CRBN: variants seen among roughly 807,000 people sequenced by gnomAD.
CRBN encodes the protein cereblon.
In CRBN, 53 loss-of-function variants were observed where a neutral mutation model predicts 62.2. The ratio of observed to expected loss-of-function variants is 0.85; its 90% confidence interval spans 0.68 to 1.07. The LOEUF is 1.07. Ranked by LOEUF, CRBN falls within the 50% of genes least tolerant of loss-of-function variation. The pLI is 0.00. For synonymous variants in CRBN, 208 were observed against 176.1 expected, an observed-to-expected ratio of 1.18 and a Z score of -1.43; for missense variants, 616 against 531.1, an observed-to-expected ratio of 1.16 and a Z score of -1.57.
rs746538323 is a variant in CRBN, at chr3:3,179,682, G to T, written c.6C>A (p.Ala2=). The change falls in exon 1 of 11, where the codon GCC becomes GCA. Residue 2 remains alanine (A), a synonymous_variant. Coordinates refer to ENST00000231948, the MANE Select transcript of CRBN (RefSeq NM_016302.4). ...CAGCGTCCTGCTGATCTCCTTCGCC[G>T]GCCATGTCTGTTTACCCGCAAAGGA... The part of the protein sequence containing the change: M[A]GEGDQQDAAH... The T allele has an allele frequency of 6.2e-7, 1 of 1,613,120 alleles. No homozygotes were observed. Among genetic ancestry groups the T allele is most frequent in the African/African-American group, 1.3e-5 (1 of 74,908 alleles).
At chr3:3,157,141 T>C (rs748141929) in intron 5 of CRBN, among the ~76,000 whole-genome samples, 1 of 151,966 alleles carries the variant, frequency 6.6e-6, no homozygotes, top group African/African-American at 2.4e-5. Flanking sequence ...AAGCAAATGG[T>C]CTATAGGACA....
At chr3:3,170,686 A>T (rs1437016362) in intron 4 of CRBN, among the ~76,000 whole-genome samples, 1 of 152,218 alleles carries the variant, frequency 6.6e-6, no homozygotes, top group Non-Finnish European at 1.5e-5. Flanking sequence ...ATCTCATTCC[A>T]CAGAGGCCTT....
intron 1 of CRBN, among the ~76,000 whole-genome samples, chr3:3,176,434 C>T (rs989465206): frequency 3.3e-5 from 5 of 152,130 alleles, no homozygotes; most frequent in Middle Eastern, 3.2e-3. Context: ...CTGGCAGTCG[C>T]TACATTATCT....
intron 4 of CRBN, among the ~76,000 whole-genome samples, chr3:3,170,469 G>A (rs750412122): frequency 1.2e-4 from 18 of 152,198 alleles, no homozygotes; most frequent in Non-Finnish European, 1.9e-4. Context: ...ATAATGGAAG[G>A]AGTACCAGTT....
chr3:3,175,005 A>G (rs1707772543), intron 2 of CRBN, among the ~76,000 whole-genome samples, 158 bp downstream of exon 2: 1 of 143,562 alleles, frequency 7.0e-6, no homozygotes, highest in African/African-American at 2.5e-5. Flanking sequence ...AGCTTCTTAA[A>G]AATTACAGTT....
chr3:3,152,692 T>C (rs1476600963), intron 9 of CRBN, 105 bp from the exon 10 acceptor site: 2 of 1,354,500 alleles, frequency 1.5e-6, no homozygotes, highest in African/African-American at 1.5e-5. Flanking sequence ...GTATGAGCTA[T>C]ACAGTTTTTA....
intron 1 of CRBN, among the ~76,000 whole-genome samples, chr3:3,175,812 T>G (rs1029402158): frequency 1.3e-5 from 2 of 152,156 alleles, no homozygotes; most frequent in African/African-American, 4.8e-5. Context: ...TGGGTTTTGT[T>G]TGATGTAATT....
rs1296290970 is a variant in CRBN at position 3,154,192 on chromosome 3, T to G, written c.836-117A>C. 9.8e-6 allele frequency: 7 copies of G among 710,824 alleles called. No individual in the cohort carries two copies. The South Asian group carries it at 1.0e-4, about 11-fold the overall frequency. The allele number at this position is 710,824 out of a possible 1,614,324, so 44.0% of individuals were successfully genotyped here. A position where few individuals can be genotyped will look rare whatever the true frequency, so the allele number is the denominator to read the frequency against. On this transcript the variant is annotated intron_variant, in intron 7 of 10. Transcript: ENST00000231948. ...CTTCTCTTTAAGGTTACACATTTTA[T>G]ACAAGTATAAACAATACAAAAATAT... is the stretch of plus-strand genomic sequence containing the variant.
At chr3:3,156,043 A>G in intron 6 of CRBN, 176 bp downstream of exon 6, 2 of 607,436 alleles carry the variant, frequency 3.3e-6, no homozygotes, top group Non-Finnish European at 5.9e-6. Flanking sequence ...GCTTCAAGCA[A>G]TCCCCCTGCC....
chr3:3,175,670 G>A (rs148976533), intron 1 of CRBN, among the ~76,000 whole-genome samples: 1,744 of 151,976 alleles, frequency 0.011, 32 homozygotes, highest in Middle Eastern at 0.031. Flanking sequence ...GTCTTTTTGC[G>A]TTCCAGGATC....
intron 9 of CRBN, 38 bp from the exon 10 acceptor site, chr3:3,152,625 G>A (rs961576491): frequency 9.3e-6 from 15 of 1,612,678 alleles, no homozygotes; most frequent in Middle Eastern, 1.6e-4. Context: ...ACGTCAAAAC[G>A]AGAAGTCTAA....
intron 4 of CRBN, chr3:3,172,056 TTG>T (rs1441282374): frequency 4.6e-5 from 7 of 152,264 alleles, no homozygotes; most frequent in African/African-American, 1.4e-4. Flanking sequence ...CTGGACTTTT[TTG>T]TGTCTGTTTT....
intron 5 of CRBN, among the ~76,000 whole-genome samples, chr3:3,159,353 T>A (rs1707041399): frequency 6.6e-6 from 1 of 152,234 alleles, no homozygotes; most frequent in Non-Finnish European, 1.5e-5. Flanking sequence ...CTGAAAGTTT[T>A]AGTTTCGCTG....
At chr3:3,177,217 TA>T (rs1707860499) in intron 1 of CRBN, among the ~76,000 whole-genome samples, 2 of 152,248 alleles carry the variant, frequency 1.3e-5, no homozygotes, top group South Asian at 4.1e-4. Context: ...CATGTATTTT[TA>T]AATGCCCCAA....
chr3:3,149,771 T>TCACTC (rs1247759647), downstream of CRBN: 1 of 152,178 alleles, frequency 6.6e-6, no homozygotes, highest in Non-Finnish European at 1.5e-5. Flanking sequence ...TCAACTGATT[T>TCACTC]CACTCCACCT....
intron 4 of CRBN, among the ~76,000 whole-genome samples, chr3:3,171,659 G>C (rs1386098587): frequency 2.0e-5 from 3 of 152,020 alleles, no homozygotes; most frequent in Non-Finnish European, 4.4e-5. Context: ...TAGCTCCAAG[G>C]AGCTACCTGA....
At position 3,158,092 on chromosome 3, in the gene CRBN, C is replaced by G. The variant is rs551652406; in HGVS notation, c.688-1811G>C. 2.6e-5 allele frequency among the ~76,000 whole-genome samples: 4 copies of G among 152,262 alleles called. No individual in the cohort carries two copies. The East Asian group carries it at 7.7e-4, about 29-fold the overall frequency. ...TCAGCCGTCCCCAACCTTTTCGACA[C>G]CAGGGACCAGTCTCGTGGAAAACAG... On this transcript the variant is annotated intron_variant, in intron 5 of 10. Coordinates refer to ENST00000231948, the MANE Select transcript of CRBN (RefSeq NM_016302.4).
chr3:3,160,715 C>T (rs1445060941), intron 5 of CRBN, among the ~76,000 whole-genome samples: 2 of 152,152 alleles, frequency 1.3e-5, no homozygotes, highest in African/African-American at 4.8e-5. Flanking sequence ...CACTGAAAAG[C>T]TTGACAAAAA....
chr3:3,179,574 G>A lies in CRBN; in HGVS notation c.67+47C>T, dbSNP rs377357734. The A allele has an allele frequency of 1.1e-5, 18 of 1,583,974 alleles. No homozygotes were observed. In the Admixed American group the frequency reaches 1.3e-4, roughly 12 times the overall value. ...GCCCAGCTGCACCGCTAGCGGCTCCGAGCCTCGCCCCACTCCCGACTACAG... is the reference window on the plus strand; with the variant it reads ...GCCCAGCTGCACCGCTAGCGGCTCCAAGCCTCGCCCCACTCCCGACTACAG... On this transcript the variant is annotated intron_variant, in intron 1 of 10. Coordinates refer to ENST00000231948, the MANE Select transcript of CRBN (RefSeq NM_016302.4).
Sources: allele counts gnomAD v4.1 joint callset (sites outside exome capture counted in the v4.1 genomes callset), GRCh38; gene constraint gnomAD v4.1.1; transcripts MANE v1.5; gene names NCBI Gene and HGNC (gene_info 2026-07-23, HGNC 2026-07-21).